Variants in STAG2 observed in about 807,000 individuals in gnomAD.
The protein encoded by STAG2 is STAG2 cohesin complex component, also known as cohesin subunit SA-2.
Under a neutral mutation model 108.1 loss-of-function variants are expected in STAG2, and 14 were observed. The ratio of observed to expected loss-of-function variants is 0.13; its 90% confidence interval spans 0.09 to 0.20. STAG2 has a LOEUF of 0.20. Ranked by LOEUF, STAG2 falls within the 10% of genes least tolerant of loss-of-function variation. The probability of loss-of-function intolerance (pLI) is 1.00; values close to 1 mark genes in which losing one functional copy is unlikely to be tolerated. For missense variants in STAG2, 440 were observed against 940.9 expected, an observed-to-expected ratio of 0.47 and a Z score of 6.96; for synonymous variants, 307 against 302.7, an observed-to-expected ratio of 1.01 and a Z score of -0.15.
At chrX:123,992,674 G>A (rs1055744100) in intron 1 of STAG2, among the ~76,000 whole-genome samples, 1 of 110,524 alleles carries the variant, frequency 9.0e-6, no homozygotes, top group Non-Finnish European at 1.9e-5. Flanking sequence ...AAGTAGCTGG[G>A]ACCACAGGCA....
intron 1 of STAG2, among the ~76,000 whole-genome samples, chrX:123,989,796 G>T (rs1394743847): frequency 9.1e-6 from 1 of 109,655 alleles, no homozygotes; most frequent in Non-Finnish European, 1.9e-5. Flanking sequence ...TGGAAACAGG[G>T]TTTCGCCATC....
intron 8 of STAG2, 128 bp from the exon 9 acceptor site, chrX:124,047,226 G>A (rs1015407539): frequency 4.3e-5 from 21 of 485,359 alleles, no homozygotes; most frequent in Non-Finnish European, 6.7e-5. Context: ...GTCATTTGTA[G>A]CAGCTGCATC....
chrX:124,037,345 T>G (rs1383854315), intron 5 of STAG2, among the ~76,000 whole-genome samples, 182 bp from the exon 6 acceptor site: 2 of 112,147 alleles, frequency 1.8e-5, no homozygotes, highest in African/African-American at 6.5e-5. Flanking sequence ...CAGATAATTG[T>G]TTTACTGAAT....
intron 25 of STAG2, among the ~76,000 whole-genome samples, chrX:124,072,083 A>T (rs942146839): frequency 1.8e-5 from 2 of 111,161 alleles, no homozygotes; most frequent in East Asian, 5.7e-4. Context: ...GCATGATATT[A>T]GCTCACTGCA....
In STAG2 at chrX:124,063,941, C is replaced by T. The variant is rs1329601883; in HGVS notation, c.1915C>T (p.Leu639Phe). The T allele has an allele frequency of 8.3e-7, 1 of 1,207,866 alleles. No homozygotes were observed. The highest frequency in any genetic ancestry group is 1.1e-6 in the Non-Finnish European group (1 of 891,953). The change falls in exon 20 of 35, where the codon CTC (leucine) becomes TTC (phenylalanine). Residue 639 changes from leucine (L) to phenylalanine (F), a missense_variant. Leu to Phe is a conservative substitution (Grantham distance 22). Coordinates refer to ENST00000371145, the MANE Select transcript of STAG2 (RefSeq NM_001042750.2). ...AGCATGTTCTAAAACTTACCATGCA[C>T]TCTGTAATGAAGAGTTCACAATCTT... ...LEACSKTYHA[L>F]CNEEFTIFNR...
rs1042965172 is a variant in STAG2, at chrX:124,008,409, C to T, written c.-162-12958C>T. On this transcript the variant is annotated intron_variant, in intron 1 of 34. Coordinates refer to ENST00000371145, the MANE Select transcript of STAG2 (RefSeq NM_001042750.2). ...TTGTATTTTAGTAGAGACAGGGTTT[C>T]ACCATGTTGGTCAGGCTGGTCTCAA... 1.2e-4 allele frequency among the ~76,000 whole-genome samples: 13 copies of T among 110,382 alleles called. No homozygotes were observed. In the East Asian group the frequency reaches 3.7e-3, roughly 31 times the overall value.
chrX:124,051,484 AT>A, intron 13 of STAG2, 90 bp downstream of exon 13: 1 of 629,065 alleles, frequency 1.6e-6, no homozygotes, highest in Non-Finnish European at 2.3e-6. Context: ...CTAGGTCTAA[AT>A]TTTAGTAGCT....
intron 1 of STAG2, chrX:123,962,114 G>A (rs896587512): frequency 1.8e-5 from 2 of 111,330 alleles, no homozygotes; most frequent in Non-Finnish European, 3.8e-5. Flanking sequence ...CAGGTAGGCA[G>A]CCTGTGCGTT....
intron 29 of STAG2, among the ~76,000 whole-genome samples, chrX:124,084,519 T>C (rs1048376728): frequency 4.5e-5 from 5 of 110,544 alleles, no homozygotes; most frequent in African/African-American, 6.6e-5. Context: ...GGTTTCACCA[T>C]GTTGGCCAGG....
At chrX:124,078,493 C>G (rs1173450640) in intron 27 of STAG2, among the ~76,000 whole-genome samples, 3 of 111,520 alleles carry the variant, frequency 2.7e-5, no homozygotes, top group Non-Finnish European at 5.7e-5. Context: ...TCTGCGATGA[C>G]CGTTGTACAA....
At chrX:123,989,673 C>T (rs757779325) in intron 1 of STAG2, among the ~76,000 whole-genome samples, 6 of 104,612 alleles carry the variant, frequency 5.7e-5, no homozygotes, top group South Asian at 4.3e-4. Context: ...GGCTCCATCT[C>T]GGCTCACTGC....
At chrX:124,079,214 C>A (rs1218290220) in intron 27 of STAG2, among the ~76,000 whole-genome samples, 1 of 106,416 alleles carries the variant, frequency 9.4e-6, no homozygotes, top group Non-Finnish European at 1.9e-5. Context: ...TCTTGGCTCA[C>A]TGCAGGCTCC....
At position 124,007,086 on chromosome X, in the gene STAG2, G is replaced by A. The variant is rs752556227; in HGVS notation, c.-162-14281G>A. Among the ~76,000 whole-genome samples, 26 of 109,194 alleles carry A rather than the reference G, an allele frequency of 2.4e-4. No homozygotes were observed. In the South Asian group the frequency reaches 9.3e-3, roughly 39 times the overall value. The allele number at this position is 109,194 out of a possible 115,157, so 94.8% of individuals were successfully genotyped here. ...CCTAATCACAGCTCACTGCAGCCTC[G>A]TACTCCTGGGCTCAAGCGATCTCTC... On this transcript the variant is annotated intron_variant, in intron 1 of 34. Transcript: ENST00000371145.
chrX:124,013,329 ACACACACACACACACACACG>A, intron 1 of STAG2, among the ~76,000 whole-genome samples: 1 of 108,380 alleles, frequency 9.2e-6, no homozygotes, highest in East Asian at 2.8e-4. Context: ...ACACAAACAC[ACACACACACACACACACACG>A]CACACCAGTC....
intron 1 of STAG2, among the ~76,000 whole-genome samples, chrX:124,004,137 T>C (rs1158279621): frequency 8.9e-6 from 1 of 112,094 alleles, no homozygotes; most frequent in Non-Finnish European, 1.9e-5. Flanking sequence ...TCATATTTAT[T>C]GGCATTTGAC....
intron 1 of STAG2, among the ~76,000 whole-genome samples, chrX:123,994,556 A>ACT (rs1322822831): frequency 1.3e-4 from 14 of 111,998 alleles, no homozygotes; most frequent in African/African-American, 3.9e-4. Context: ...TTGTAAGGAA[A>ACT]CTATTATTTT....
intron 17 of STAG2, among the ~76,000 whole-genome samples, chrX:124,062,366 G>A (rs1037719024): frequency 8.9e-6 from 1 of 111,884 alleles, no homozygotes; most frequent in African/African-American, 3.2e-5. Flanking sequence ...ATATTGTGAC[G>A]TATTACACAT....
intron 1 of STAG2, among the ~76,000 whole-genome samples, chrX:124,010,305 C>T (rs2056481166): frequency 9.0e-6 from 1 of 111,204 alleles, no homozygotes; most frequent in Non-Finnish European, 1.9e-5. Flanking sequence ...TCCCCTAGTC[C>T]CTGGTAACCA....
chrX:124,064,544 A>G (rs1200707863), intron 20 of STAG2, among the ~76,000 whole-genome samples: 1 of 108,606 alleles, frequency 9.2e-6, no homozygotes, highest in African/African-American at 3.4e-5. Context: ...CCCAGGTTCA[A>G]GCGATTCTCC....
Sources: gnomAD v4.1 joint callset for allele counts (sites outside exome capture counted in the v4.1 genomes callset) on GRCh38, gnomAD v4.1.1 for gene constraint, MANE v1.5 for transcripts, NCBI Gene and HGNC (gene_info 2026-07-23, HGNC 2026-07-21) for gene names.